RSU1: variants seen among roughly 807,000 people sequenced by gnomAD.
RSU1 encodes the protein Ras suppressor protein 1.
RSU1 carries 26 observed loss-of-function variants against 31.1 expected under a neutral mutation model. That is an observed-to-expected ratio of 0.84 (90% CI 0.61 to 1.16). RSU1 has a LOEUF of 1.16. Among genes scored for constraint, RSU1 ranks in the 50% most tolerant of loss-of-function variants. The pLI, the probability that RSU1 is intolerant of heterozygous loss-of-function variation, is 0.00. For missense variants in RSU1, 320 were observed against 339.1 expected, an observed-to-expected ratio of 0.94 and a Z score of 0.44; for synonymous variants, 164 against 136.3, an observed-to-expected ratio of 1.20 and a Z score of -1.41.
chr10:16,684,954 T>C (rs1219004970), intron 8 of RSU1, among the ~76,000 whole-genome samples: 1 of 152,114 alleles, frequency 6.6e-6, no homozygotes, highest in African/African-American at 2.4e-5. Flanking sequence ...ATGTTCCAAA[T>C]GAGATTATTT....
chr10:16,621,368 T>G (rs57081320), intron 8 of RSU1, among the ~76,000 whole-genome samples: 3 of 152,188 alleles, frequency 2.0e-5, no homozygotes, highest in Admixed American at 6.5e-5. Flanking sequence ...ATTAACACTA[T>G]GGACACTGGC....
At chr10:16,597,959 G>T (rs1564281104) in intron 8 of RSU1, among the ~76,000 whole-genome samples, 1 of 152,222 alleles carries the variant, frequency 6.6e-6, no homozygotes, top group Non-Finnish European at 1.5e-5. Context: ...TTTTCACAGG[G>T]ATGTGGCTAT....
At chr10:16,657,771 T>C (rs990691895) in intron 8 of RSU1, among the ~76,000 whole-genome samples, 1 of 152,100 alleles carries the variant, frequency 6.6e-6, no homozygotes, top group African/African-American at 2.4e-5. Context: ...GGCGGGCAGA[T>C]CACTTGAGGC....
chr10:16,610,911 A>AT (rs1228709090), intron 8 of RSU1, among the ~76,000 whole-genome samples: 1 of 152,128 alleles, frequency 6.6e-6, no homozygotes, highest in East Asian at 1.9e-4. Flanking sequence ...TTACCTAGAG[A>AT]TTTTCCCAAT....
chr10:16,718,485 G>T (rs1414299880), intron 7 of RSU1, among the ~76,000 whole-genome samples: 1 of 152,116 alleles, frequency 6.6e-6, no homozygotes, highest in East Asian at 1.9e-4. Context: ...ATTTTTGTTT[G>T]GTAGTAGTCT....
chr10:16,679,391 C>T (rs1357535442), intron 8 of RSU1, among the ~76,000 whole-genome samples: 1 of 152,082 alleles, frequency 6.6e-6, no homozygotes, highest in Non-Finnish European at 1.5e-5. Context: ...ACAGTACATA[C>T]AAGGCATACA....
At chr10:16,797,856 CTT>C (rs766748303) in intron 2 of RSU1, among the ~76,000 whole-genome samples, 27 of 103,506 alleles carry the variant, frequency 2.6e-4, no homozygotes, top group African/African-American at 7.4e-4. Flanking sequence ...GGGATTTCTT[CTT>C]TTTTTTTTTT....
At chr10:16,595,000 T>C (rs573747370) in intron 8 of RSU1, among the ~76,000 whole-genome samples, 1 of 151,998 alleles carries the variant, frequency 6.6e-6, no homozygotes, top group South Asian at 2.1e-4. Context: ...GCCAGGCTGG[T>C]CTTGAACTCT....
chr10:16,738,774 G>C lies in RSU1; in HGVS notation c.598+13765C>G, dbSNP rs544091508. On this transcript the variant is annotated intron_variant, in intron 7 of 8. Coordinates refer to ENST00000345264, the MANE Select transcript of RSU1 (RefSeq NM_012425.4). ...TGTTACGTACATATACACGTACCAT[G>C]GTGGTTTGCTGCACCTATCAACCCA... Among the ~76,000 whole-genome samples, 31 of 152,230 alleles carry C rather than the reference G, an allele frequency of 2.0e-4. No individual in the cohort carries two copies. The South Asian group carries it at 2.5e-3, about 12-fold the overall frequency.
At chr10:16,809,029 T>C (rs987585109) in intron 2 of RSU1, among the ~76,000 whole-genome samples, 3 of 152,176 alleles carry the variant, frequency 2.0e-5, no homozygotes, top group African/African-American at 7.2e-5. Context: ...GGGAAATAAA[T>C]TTCTGTTGTC....
chr10:16,784,824 C>T (rs964987138), intron 2 of RSU1, among the ~76,000 whole-genome samples: 3 of 152,100 alleles, frequency 2.0e-5, no homozygotes, highest in East Asian at 3.9e-4. Flanking sequence ...CTACCAGGTC[C>T]GTCCCACGAC....
intron 8 of RSU1, among the ~76,000 whole-genome samples, chr10:16,627,762 C>CAAAAAAAAA (rs74962434): frequency 1.5e-5 from 1 of 67,550 alleles, no homozygotes; most frequent in African/African-American, 4.6e-5. Context: ...CATCTCAATA[C>CAAAAAAAAA]AAAAAAAAAA....
intron 7 of RSU1, among the ~76,000 whole-genome samples, chr10:16,729,467 G>T (rs1836459472): frequency 6.6e-6 from 1 of 152,160 alleles, no homozygotes. Flanking sequence ...TGAAAAGGGA[G>T]TGGTAGGGGA....
intron 8 of RSU1, among the ~76,000 whole-genome samples, chr10:16,614,540 C>T (rs981413501): frequency 6.6e-6 from 1 of 152,040 alleles, no homozygotes; most frequent in Non-Finnish European, 1.5e-5. Context: ...GACAAATGCT[C>T]AAAAGGATAG....
intron 2 of RSU1, among the ~76,000 whole-genome samples, chr10:16,801,087 A>G (rs912577701): frequency 2.0e-5 from 3 of 150,222 alleles, no homozygotes; most frequent in Non-Finnish European, 4.5e-5. Context: ...ATCAGTGTGG[A>G]TCTTTTTTTT....
intron 2 of RSU1, among the ~76,000 whole-genome samples, chr10:16,801,028 T>C (rs1838144627): frequency 6.6e-6 from 1 of 150,484 alleles, no homozygotes; most frequent in African/African-American, 2.4e-5. Flanking sequence ...CTAAGTAATA[T>C]CAATTATCAC....
At chr10:16,694,018 A>G (rs936921310) in intron 8 of RSU1, among the ~76,000 whole-genome samples, 15 of 152,166 alleles carry the variant, frequency 9.9e-5, no homozygotes, top group African/African-American at 1.4e-4. Flanking sequence ...TATTTGATAA[A>G]TGACAGTTTG....
chr10:16,593,227 TAGCAAAAGAATC>T lies in RSU1; in HGVS notation c.*155_*166del. 7.6e-7 allele frequency: 1 copy of T among 1,316,836 alleles called. No individual in the cohort carries two copies. Among genetic ancestry groups the T allele is most frequent in the Non-Finnish European group, 1.0e-6 (1 of 992,404 alleles). 81.6% of individuals were successfully genotyped at this position (1,316,836 alleles called of 1,614,324 possible). On this transcript the variant is annotated 3_prime_UTR_variant, in exon 9 of 9. Transcript: ENST00000345264. ...AAAGACCTTATAACAATCTCCCACC[TAGCAAAAGAATC>T]TAAAAGGTAAGGTGGGAAGCATTAG...
intron 8 of RSU1, among the ~76,000 whole-genome samples, chr10:16,681,050 C>A (rs545383758): frequency 6.6e-6 from 1 of 152,130 alleles, no homozygotes; most frequent in South Asian, 2.1e-4. Context: ...TATAGTTACA[C>A]CAAACACAAC....
Sources: gnomAD v4.1 joint callset for allele counts (sites outside exome capture counted in the v4.1 genomes callset) on GRCh38, gnomAD v4.1.1 for gene constraint, MANE v1.5 for transcripts, NCBI Gene and HGNC (gene_info 2026-07-23, HGNC 2026-07-21) for gene names.